The following EHHADH variants were observed in gnomAD, a reference collection of about 807,000 sequenced individuals.
EHHADH encodes the protein enoyl-CoA hydratase and 3-hydroxyacyl CoA dehydrogenase.
In EHHADH, 48 loss-of-function variants were observed where a neutral mutation model predicts 64.4. The observed-to-expected ratio is 0.75, with a 90% confidence interval of 0.59 to 0.95. EHHADH has a LOEUF of 0.95. Among genes scored for constraint, EHHADH ranks in the 40% least tolerant of loss-of-function variants. The pLI is 0.00. For missense variants in EHHADH, 854 were observed against 876.6 expected, an observed-to-expected ratio of 0.97 and a Z score of 0.33; for synonymous variants, 308 against 326.7, an observed-to-expected ratio of 0.94 and a Z score of 0.62.
chr3:185,199,925 T>C lies in EHHADH; in HGVS notation c.910+4491A>G, dbSNP rs367802483. Among the ~76,000 whole-genome samples, 514 of 152,236 alleles carry C rather than the reference T, an allele frequency of 3.4e-3. 1 individual carries two copies. Among genetic ancestry groups the C allele is most frequent in the African/African-American group, 0.012 (483 of 41,534 alleles). ...ATGCCCGGCTCTATGGCTGTTTTTG[T>C]GCACAACGGTAGACGTGGGTAGTTG... On this transcript the variant is annotated intron_variant, in intron 6 of 6. Transcript: ENST00000231887.
intron 2 of EHHADH, chr3:185,246,058 A>G: frequency 1.5e-6 from 2 of 1,291,918 alleles, no homozygotes; most frequent in Non-Finnish European, 1.1e-6. Context: ...GGAACTTGAC[A>G]TTCTTCTTTT....
At chr3:185,209,475 T>A (rs1187500861) in intron 5 of EHHADH, among the ~76,000 whole-genome samples, 2 of 152,178 alleles carry the variant, frequency 1.3e-5, no homozygotes, top group African/African-American at 4.8e-5. Context: ...TGGCATCTCT[T>A]AAAAAATAAA....
chr3:185,198,558 G>A (rs1372091122), intron 6 of EHHADH, among the ~76,000 whole-genome samples: 2 of 151,738 alleles, frequency 1.3e-5, no homozygotes, highest in Non-Finnish European at 2.9e-5. Flanking sequence ...CTTTTAAAGG[G>A]TGAATTTTGG....
intron 6 of EHHADH, among the ~76,000 whole-genome samples, chr3:185,201,682 G>C (rs1355116533): frequency 6.6e-6 from 1 of 152,188 alleles, no homozygotes; most frequent in South Asian, 2.1e-4. Context: ...TTCTATCTAC[G>C]TGTCTTTTAT....
rs563207069 is a variant in EHHADH, at chr3:185,216,511, G to C, written c.568+1625C>G. Among the ~76,000 whole-genome samples the C allele has an allele frequency of 6.6e-6, 1 of 152,178 alleles. No individual in the cohort carries two copies. Among genetic ancestry groups the C allele is most frequent in the Non-Finnish European group, 1.5e-5 (1 of 68,030 alleles). ...GCACAATGATGAAAACACAGTGAAGGTTGCCTGAAAGGCCGAGAAAAATAG... is the reference window on the plus strand; with the variant it reads ...GCACAATGATGAAAACACAGTGAAGCTTGCCTGAAAGGCCGAGAAAAATAG... On this transcript the variant is annotated intron_variant, in intron 5 of 6. Transcript: ENST00000231887. This position sits in a 1 kb window ranked among gnomAD's most constrained non-coding sequence, Gnocchi z 5.3.
intron 2 of EHHADH, among the ~76,000 whole-genome samples, chr3:185,239,874 G>A (rs1719401120): frequency 6.6e-6 from 1 of 152,094 alleles, no homozygotes; most frequent in African/African-American, 2.4e-5. Context: ...CAGGAGTAAT[G>A]TTTTCACCTG....
rs530478206 is a variant in EHHADH at position 185,206,050 on chromosome 3, T to C, written c.569-1293A>G. Reference sequence around the variant, plus strand: ...TAAATCCACACTCTCAAGTGTGGGCTACACTGCACGCTGACTCATACGATC... The same window carrying C: ...TAAATCCACACTCTCAAGTGTGGGCCACACTGCACGCTGACTCATACGATC... On this transcript the variant is annotated intron_variant, in intron 5 of 6. Coordinates refer to ENST00000231887, the MANE Select transcript of EHHADH (RefSeq NM_001966.4). Among the ~76,000 whole-genome samples the C allele has an allele frequency of 5.9e-5, 9 of 152,092 alleles. No homozygotes were observed. In the South Asian group the frequency reaches 1.7e-3, roughly 28 times the overall value.
intron 5 of EHHADH, among the ~76,000 whole-genome samples, chr3:185,207,053 C>T (rs1223727348): frequency 1.3e-5 from 2 of 151,908 alleles, no homozygotes; most frequent in South Asian, 2.1e-4. Context: ...TCTGGGAGGC[C>T]GAGGTGGGCA....
intron 6 of EHHADH, among the ~76,000 whole-genome samples, chr3:185,193,908 T>C (rs902389780): frequency 6.6e-6 from 1 of 152,150 alleles, no homozygotes; most frequent in Non-Finnish European, 1.5e-5. Flanking sequence ...TACAAAACAT[T>C]GTTAATAGAA....
chr3:185,242,934 C>G (rs888509683), intron 2 of EHHADH, among the ~76,000 whole-genome samples: 3 of 152,216 alleles, frequency 2.0e-5, no homozygotes, highest in Admixed American at 1.3e-4. Flanking sequence ...TTTCGTCTCC[C>G]TGTGGTGTTT....
chr3:185,192,376 T>G lies in EHHADH; in HGVS notation c.2022A>C (p.Thr674=). Residue 674 remains threonine (T), a synonymous_variant, in exon 7 of 7, where the codon ACA becomes ACC. Transcript: ENST00000231887. The part of the protein sequence containing the change: ...MFYASTVGLP[T]VLEKLQKYYR... ...AATATTTCTGCAATTTCTCTAGAAC[T>G]GTGGGCAACCCAACTGTGGAAGCAT... The G allele has an allele frequency of 6.2e-7, 1 of 1,614,200 alleles. No homozygotes were observed. The highest frequency in any genetic ancestry group is 8.5e-7 in the Non-Finnish European group (1 of 1,180,034).
chr3:185,250,548 A>C (rs1719718286), intron 1 of EHHADH, among the ~76,000 whole-genome samples: 1 of 152,230 alleles, frequency 6.6e-6, no homozygotes, highest in South Asian at 2.1e-4. Context: ...TGGAATTCCA[A>C]GTATTCTGAG....
intron 1 of EHHADH, chr3:185,253,686 G>A: frequency 1.4e-6 from 1 of 704,158 alleles, no homozygotes; most frequent in South Asian, 3.5e-5. Flanking sequence ...ATCTGTCTCA[G>A]CCTCAGCCTC....
At chr3:185,199,259 T>A (rs1264804782) in intron 6 of EHHADH, among the ~76,000 whole-genome samples, 1 of 152,182 alleles carries the variant, frequency 6.6e-6, no homozygotes. Flanking sequence ...GAAAAATTAT[T>A]TGATGAAAAA....
intron 6 of EHHADH, among the ~76,000 whole-genome samples, 161 bp downstream of exon 6, chr3:185,204,255 C>T (rs144336321): frequency 6.0e-4 from 91 of 151,960 alleles, no homozygotes; most frequent in African/African-American, 2.1e-3. Flanking sequence ...CTCTAGGCCT[C>T]TCATGTTAAA....
At chr3:185,205,486 T>C (rs1718362725) in intron 5 of EHHADH, among the ~76,000 whole-genome samples, 1 of 152,164 alleles carries the variant, frequency 6.6e-6, no homozygotes, top group East Asian at 1.9e-4. Context: ...TATATATCAA[T>C]GGAAGAGAAT....
At chr3:185,214,480 A>C (rs1294730257) in intron 5 of EHHADH, among the ~76,000 whole-genome samples, 2 of 152,170 alleles carry the variant, frequency 1.3e-5, no homozygotes, top group East Asian at 3.8e-4. Flanking sequence ...TGGCCTCCCA[A>C]AGTCATCCAT....
rs1392882502 is a variant in EHHADH, at chr3:185,190,857, G to A, written c.*1369C>T. 1 of 152,102 alleles carries A rather than the reference G, an allele frequency of 6.6e-6. No homozygotes were observed. Among genetic ancestry groups the A allele is most frequent in the Non-Finnish European group, 1.5e-5 (1 of 68,024 alleles). The allele number at this position is 152,102 out of a possible 1,614,324, so 9.4% of individuals were successfully genotyped here. On this transcript the variant is annotated 3_prime_UTR_variant, in exon 7 of 7. Coordinates refer to ENST00000231887, the MANE Select transcript of EHHADH (RefSeq NM_001966.4). ...ATTTGGGTTCACAGGTGAAAATATT[G>A]TGAAAGTTCATTTACACCACAATGA...
intron 2 of EHHADH, chr3:185,246,504 T>C (rs1158279554): frequency 1.3e-5 from 4 of 310,848 alleles, no homozygotes; most frequent in Non-Finnish European, 2.3e-5. Context: ...CCAGGCCCCG[T>C]GGCAGCGCTG....
Sources: allele counts gnomAD v4.1 joint callset (sites outside exome capture counted in the v4.1 genomes callset), GRCh38; gene constraint gnomAD v4.1.1; non-coding constraint Gnocchi (gnomAD v3.1); transcripts MANE v1.5; gene names NCBI Gene and HGNC (gene_info 2026-07-23, HGNC 2026-07-21).